The following LRRC57 variants were observed in gnomAD, a reference collection of about 807,000 sequenced individuals.
LRRC57 encodes leucine-rich repeat-containing protein 57.
Under a neutral mutation model 23.1 loss-of-function variants are expected in LRRC57, and 14 were observed. The observed-to-expected ratio is 0.61, with a 90% confidence interval of 0.40 to 0.95. The LOEUF is 0.95. Among genes scored for constraint, LRRC57 ranks in the 40% least tolerant of loss-of-function variants. LRRC57 has a pLI of 0.00. For missense variants in LRRC57, 236 were observed against 284.4 expected (o/e 0.83, Z 1.22); for synonymous variants, 106 against 115.2 (o/e 0.92, Z 0.51).
chr15:42,542,383 A>C lies in LRRC57; in HGVS notation c.*1700T>G, dbSNP rs2057635036. On this transcript the variant is annotated 3_prime_UTR_variant, in exon 6 of 6. Transcript: ENST00000397130. ...TAATAAGCATAGTTCTAGTATCACAAAATGTTTATGTCACATGAAGGCATT... is the reference window on the plus strand; with the variant it reads ...TAATAAGCATAGTTCTAGTATCACACAATGTTTATGTCACATGAAGGCATT... 6.6e-6 allele frequency: 1 copy of C among 152,208 alleles called. No individual in the cohort carries two copies. The highest frequency in any genetic ancestry group is 6.5e-5 in the Admixed American group (1 of 15,278). 9.4% of individuals were successfully genotyped at this position (152,208 alleles called of 1,614,324 possible). A position where few individuals can be genotyped will look rare whatever the true frequency, so the allele number is the denominator to read the frequency against.
At chr15:42,530,988 GTC>G in the LRRC57 span, among the ~76,000 whole-genome samples, 2 of 152,278 alleles carry the variant, frequency 1.3e-5, no homozygotes, top group East Asian at 3.9e-4. Context: ...GGTTATTTCA[GTC>G]TCTCCAGGTT....
downstream of LRRC57, among the ~76,000 whole-genome samples, chr15:42,534,279 C>G (rs2057588843): frequency 6.6e-6 from 1 of 152,056 alleles, no homozygotes; most frequent in African/African-American, 2.4e-5. Context: ...TACAGGCAGG[C>G]ACCACCGTGC....
At position 42,543,753 on chromosome 15, in the gene LRRC57, G is replaced by A. The variant is rs1170118684; in HGVS notation, c.*330C>T. On this transcript the variant is annotated 3_prime_UTR_variant, in exon 6 of 6. Transcript: ENST00000397130. ...TCAAGCTGTGGTGTGGAGCTATTCT[G>A]TTACCAGGCAGCACCCCCTCACCAT... is the stretch of plus-strand genomic sequence containing the variant. 4 of 243,938 alleles carry A rather than the reference G, an allele frequency of 1.6e-5. No individual in the cohort carries two copies. In the East Asian group the frequency reaches 3.1e-4, roughly 19 times the overall value. 15.1% of individuals were successfully genotyped at this position (243,938 alleles called of 1,614,324 possible).
the LRRC57 span, chr15:42,528,353 G>C: frequency 6.2e-7 from 1 of 1,614,162 alleles, no homozygotes; most frequent in East Asian, 2.2e-5. Context: ...TAAACAGCCA[G>C]GCCCGGTGAC....
downstream of LRRC57, among the ~76,000 whole-genome samples, chr15:42,536,027 A>G (rs1595535597): frequency 6.6e-6 from 1 of 152,202 alleles, no homozygotes; most frequent in East Asian, 1.9e-4. Context: ...GCAGCGAGCC[A>G]TGATTGCGCC....
the LRRC57 span, among the ~76,000 whole-genome samples, chr15:42,529,117 A>G: frequency 6.6e-6 from 1 of 152,202 alleles, no homozygotes; most frequent in South Asian, 2.1e-4. Context: ...AGTCCCTTGC[A>G]ATTACTCAAC....
At chr15:42,537,231 T>TCACACACACACACACACACACA, downstream of LRRC57, among the ~76,000 whole-genome samples, 1 of 132,158 alleles carries the variant, frequency 7.6e-6, no homozygotes, top group Admixed American at 7.3e-5. Context: ...TCTCTCTCTC[T>TCACACACACACACACACACACA]CTCACACACA....
Position 42,547,854 on chromosome 15 carries a change from A to G in LRRC57, c.223+252T>C, listed in dbSNP as rs543651041. ...TTCCAAGTTAGGTAGCTTTGTTTAC[A>G]TTACATCCCCAAAATGTTCTTCTCT... On this transcript the variant is annotated intron_variant, in intron 3 of 5. Transcript: ENST00000397130. 3 of 560,382 alleles carry G rather than the reference A, an allele frequency of 5.4e-6. No homozygotes were observed. In the East Asian group the frequency reaches 9.0e-5, roughly 17 times the overall value. 34.7% of individuals were successfully genotyped at this position (560,382 alleles called of 1,614,324 possible). A position where few individuals can be genotyped will look rare whatever the true frequency, so the allele number is the denominator to read the frequency against.
the LRRC57 span, among the ~76,000 whole-genome samples, chr15:42,528,578 G>T: frequency 6.6e-6 from 1 of 151,822 alleles, no homozygotes; most frequent in Non-Finnish European, 1.5e-5. Context: ...CAAAATGTGG[G>T]TTTTTTTTAT....
At chr15:42,548,562 CCCGA>C in intron 1 of LRRC57, 106 bp from the exon 2 acceptor site, 1 of 884,360 alleles carries the variant, frequency 1.1e-6, no homozygotes, top group Non-Finnish European at 1.7e-6. Flanking sequence ...GCTCCTGGGG[CCCGA>C]CCCAAGAGCG....
At position 42,538,908 on chromosome 15, in the gene LRRC57, G is replaced by C. The variant is rs900339481; in HGVS notation, c.*5175C>G. The stretch of plus-strand genomic sequence containing the variant: ...TAAAAAATTTGGGTGACTTGGGCCA[G>C]ATGTGGTGGCTCACACCTGTAATCC... On this transcript the variant is annotated 3_prime_UTR_variant, in exon 6 of 6. Coordinates refer to ENST00000397130, the MANE Select transcript of LRRC57 (RefSeq NM_153260.3). The C allele has an allele frequency of 3.3e-5, 5 of 152,270 alleles. No individual in the cohort carries two copies. Among genetic ancestry groups the C allele is most frequent in the African/African-American group, 7.2e-5 (3 of 41,454 alleles). 9.4% of individuals were successfully genotyped at this position (152,270 alleles called of 1,614,324 possible). A position where few individuals can be genotyped will look rare whatever the true frequency, so the allele number is the denominator to read the frequency against.
At chr15:42,528,474 AGGAGATGAGTTT>A in the LRRC57 span, 1 of 1,568,684 alleles carries the variant, frequency 6.4e-7, no homozygotes, top group East Asian at 2.2e-5. Context: ...TGGTTCACTT[AGGAGATGAGTTT>A]AGCAGTACAT....
chr15:42,529,932 A>G, the LRRC57 span: 1 of 1,158,698 alleles, frequency 8.6e-7, no homozygotes, highest in Non-Finnish European at 1.2e-6. Context: ...CTGTCCTCAT[A>G]GGTCTTAATT....
In LRRC57 at chr15:42,544,005, A is replaced by C. The variant is rs545119902; in HGVS notation, c.*78T>G. On this transcript the variant is annotated 3_prime_UTR_variant, in exon 6 of 6. Transcript: ENST00000397130. ...TACTGTAGATACCCCTAACAACAAC[A>C]GGAGGCTTTGACTCAGCCACATTCC... 2 of 1,158,560 alleles carry C rather than the reference A, an allele frequency of 1.7e-6. No homozygotes were observed. The highest frequency in any genetic ancestry group is 4.7e-5 in the East Asian group (2 of 42,252). The allele number at this position is 1,158,560 out of a possible 1,614,324, so 71.8% of individuals were successfully genotyped here.
Position 42,548,413 on chromosome 15 carries a change from C to G in LRRC57, c.22G>C (p.Ala8Pro). 1.2e-6 allele frequency: 2 copies of G among 1,614,078 alleles called. No individual in the cohort carries two copies. Among genetic ancestry groups the G allele is most frequent in the Non-Finnish European group, 1.7e-6 (2 of 1,180,044 alleles). ...GTTTTCTGCGCCGTTTCCACATGAG[C>G]GCGGAGCGCACTGTTTCCCATCCTA... MGNSALR[A>P]HVETAQKTGV... The change falls in exon 2 of 6, where the codon GCT becomes CCT. Residue 8 changes from alanine to proline, a missense_variant. By Grantham distance (27) the Ala-to-Pro change is conservative. Coordinates refer to ENST00000397130, the MANE Select transcript of LRRC57 (RefSeq NM_153260.3).
Position 42,539,477 on chromosome 15 carries a change from C to CAAAAAAAAAAAAAAAAA in LRRC57, c.*4589_*4605dup, listed in dbSNP as rs1164646488. The CAAAAAAAAAAAAAAAAA allele has an allele frequency of 2.5e-4, 11 of 43,660 alleles. 1 individual carries two copies. Among genetic ancestry groups the CAAAAAAAAAAAAAAAAA allele is most frequent in the African/African-American group, 9.8e-4 (9 of 9,224 alleles). The allele number at this position is 43,660 out of a possible 1,614,324, so 2.7% of individuals were successfully genotyped here. A position where few individuals can be genotyped will look rare whatever the true frequency, so the allele number is the denominator to read the frequency against. On this transcript the variant is annotated 3_prime_UTR_variant, in exon 6 of 6. Coordinates refer to ENST00000397130, the MANE Select transcript of LRRC57 (RefSeq NM_153260.3). ...TGGGCGAAACAGACAGCCTCTGTCT[C>CAAAAAAAAAAAAAAAAA]AAAAAAAAAAAAAAAAAAAAAGAGA...
At chr15:42,548,568 C>A in intron 1 of LRRC57, 112 bp from the exon 2 acceptor site, 1 of 818,600 alleles carries the variant, frequency 1.2e-6, no homozygotes, top group Non-Finnish European at 1.9e-6. Flanking sequence ...GGGGCCCGAC[C>A]CAAGAGCGAC....
At chr15:42,533,821 A>ATT (rs575254774), downstream of LRRC57, among the ~76,000 whole-genome samples, 9 of 152,354 alleles carry the variant, frequency 5.9e-5, no homozygotes, top group African/African-American at 2.2e-4. Context: ...AGGCACATGA[A>ATT]TTTTGGTTTC....
At chr15:42,529,360 T>G in the LRRC57 span, among the ~76,000 whole-genome samples, 1 of 152,190 alleles carries the variant, frequency 6.6e-6, no homozygotes, top group Non-Finnish European at 1.5e-5. Flanking sequence ...AGTTTCTGAT[T>G]GAGTAGGTCT....
Sources: gnomAD v4.1 joint callset for allele counts (sites outside exome capture counted in the v4.1 genomes callset) on GRCh38, gnomAD v4.1.1 for gene constraint, MANE v1.5 for transcripts, NCBI Gene and HGNC (gene_info 2026-07-23, HGNC 2026-07-21) for gene names.